Variants in SEC22A observed in about 807,000 individuals in gnomAD.
SEC22A encodes SEC22 homolog A, vesicle trafficking protein.
SEC22A carries 22 observed loss-of-function variants against 35.3 expected under a neutral mutation model. The observed-to-expected ratio is 0.62, with a 90% CI of 0.45 to 0.89. The LOEUF (loss-of-function observed/expected upper bound fraction) is 0.89. Ranked by LOEUF, SEC22A falls within the 40% of genes least tolerant of loss-of-function variation. The pLI is 0.00. For synonymous variants in SEC22A, 119 were observed against 129.5 expected (o/e 0.92, Z 0.55); for missense variants, 354 against 362.5 (o/e 0.98, Z 0.19).
At chr3:123,229,867 A>AT (rs1937284864) in intron 4 of SEC22A, among the ~76,000 whole-genome samples, 11 of 145,800 alleles carry the variant, frequency 7.5e-5, no homozygotes, top group Non-Finnish European at 1.5e-4. Flanking sequence ...ATCTCAAAAA[A>AT]AAAAAATAAA....
At chr3:123,231,240 C>G (rs7629272) in intron 4 of SEC22A, among the ~76,000 whole-genome samples, 1 of 152,178 alleles carries the variant, frequency 6.6e-6, no homozygotes, top group African/African-American at 2.4e-5. Context: ...AACTTTCAAT[C>G]ATGGATAGAA....
At chr3:123,202,678 A>G (rs1675262626) in intron 1 of SEC22A, among the ~76,000 whole-genome samples, 1 of 152,036 alleles carries the variant, frequency 6.6e-6, no homozygotes, top group South Asian at 2.1e-4. Flanking sequence ...AGCTTAAGAT[A>G]ATTTTTCCCT....
chr3:123,264,625 A>ATTTTTTTT (rs369549384), intron 6 of SEC22A, among the ~76,000 whole-genome samples: 1 of 133,274 alleles, frequency 7.5e-6, no homozygotes, highest in Non-Finnish European at 1.6e-5. Context: ...ACATCTTTTG[A>ATTTTTTTT]TTTTTTTTTT....
At chr3:123,259,621 AC>A in intron 6 of SEC22A, 32 bp downstream of exon 6, 1 of 1,457,248 alleles carries the variant, frequency 6.9e-7, no homozygotes, top group Non-Finnish European at 9.6e-7. Context: ...AGAAACACTT[AC>A]CATTATTGTT....
At chr3:123,227,235 A>G (rs1334002308) in intron 4 of SEC22A, among the ~76,000 whole-genome samples, 3 of 149,618 alleles carry the variant, frequency 2.0e-5, no homozygotes, top group African/African-American at 4.9e-5. Context: ...AAAAAAAAAA[A>G]CTTCCTTATA....
chr3:123,237,733 T>G (rs1175880821), intron 4 of SEC22A, among the ~76,000 whole-genome samples: 2 of 152,174 alleles, frequency 1.3e-5, no homozygotes, highest in Non-Finnish European at 2.9e-5. Flanking sequence ...TAGACTCTGT[T>G]AGAAACTCCA....
chr3:123,241,877 A>G (rs1195766570), intron 4 of SEC22A, among the ~76,000 whole-genome samples: 1 of 152,170 alleles, frequency 6.6e-6, no homozygotes, highest in East Asian at 1.9e-4. Context: ...AAAATAAGCC[A>G]GGCACAGAAA....
chr3:123,273,147 T>G lies in SEC22A; in HGVS notation c.*1425T>G, dbSNP rs1218253874. 1 of 152,334 alleles carries G rather than the reference T, an allele frequency of 6.6e-6. No individual in the cohort carries two copies. The highest frequency in any genetic ancestry group is 6.5e-5 in the Admixed American group (1 of 15,280). The allele number at this position is 152,334 out of a possible 1,614,324, so 9.4% of individuals were successfully genotyped here. On this transcript the variant is annotated 3_prime_UTR_variant, in exon 7 of 7. Coordinates refer to ENST00000492595, the MANE Select transcript of SEC22A (RefSeq NM_012430.5). ...ATATCATCCAGAAAAACAGATCCCA[T>G]TACATTGTAATTGTTGTTACTAGGC...
At chr3:123,240,750 G>C (rs1336231455) in intron 4 of SEC22A, among the ~76,000 whole-genome samples, 1 of 151,898 alleles carries the variant, frequency 6.6e-6, no homozygotes, top group East Asian at 1.9e-4. Context: ...TGAGCATTTT[G>C]ATTACTCAAC....
intron 6 of SEC22A, among the ~76,000 whole-genome samples, chr3:123,261,564 A>T (rs1055501002): frequency 6.9e-5 from 10 of 145,538 alleles, no homozygotes; most frequent in Non-Finnish European, 1.2e-4. Flanking sequence ...TTTGATTTTT[A>T]TCTAAAACTG....
chr3:123,256,830 G>C (rs146371268), intron 5 of SEC22A, among the ~76,000 whole-genome samples: 1,816 of 147,186 alleles, frequency 0.012, 39 homozygotes, highest in African/African-American at 0.045. Flanking sequence ...CGCAGTCTCG[G>C]CTCACTGCAA....
chr3:123,218,547 G>A (rs1937071168), intron 2 of SEC22A, among the ~76,000 whole-genome samples: 1 of 152,122 alleles, frequency 6.6e-6, no homozygotes, highest in African/African-American at 2.4e-5. Context: ...CATTCTCGGG[G>A]TACTCACTGT....
Position 123,272,048 on chromosome 3 carries a change from T to G in SEC22A, c.*326T>G. ...AGAGTTCAGAAAATAGATGTGGTATTGCTCTGAGGACCAGGCAGGAGGAAC... is the reference window on the plus strand; with the variant it reads ...AGAGTTCAGAAAATAGATGTGGTATGGCTCTGAGGACCAGGCAGGAGGAAC... On this transcript the variant is annotated 3_prime_UTR_variant, in exon 7 of 7. Transcript: ENST00000492595. 2 of 288,292 alleles carry G rather than the reference T, an allele frequency of 6.9e-6. No individual in the cohort carries two copies. Among genetic ancestry groups the G allele is most frequent in the Non-Finnish European group, 1.3e-5 (2 of 153,372 alleles). 17.9% of individuals were successfully genotyped at this position (288,292 alleles called of 1,614,324 possible). A position where few individuals can be genotyped will look rare whatever the true frequency, so the allele number is the denominator to read the frequency against.
intron 1 of SEC22A, among the ~76,000 whole-genome samples, chr3:123,203,523 C>T (rs1051852493): frequency 6.6e-6 from 1 of 152,062 alleles, no homozygotes; most frequent in Admixed American, 6.5e-5. Context: ...CTATTAGTAG[C>T]CACAATATAT....
intron 4 of SEC22A, among the ~76,000 whole-genome samples, chr3:123,237,852 A>G (rs933650873): frequency 6.8e-6 from 1 of 146,136 alleles, no homozygotes; most frequent in Non-Finnish European, 1.5e-5. Flanking sequence ...GGTATTTGTT[A>G]TTGTTTTAAG....
chr3:123,243,153 T>C (rs1937539362), intron 4 of SEC22A, among the ~76,000 whole-genome samples: 1 of 150,254 alleles, frequency 6.7e-6, no homozygotes, highest in Non-Finnish European at 1.5e-5. Flanking sequence ...GCTGAGAACA[T>C]GAATTCCAGA....
intron 4 of SEC22A, among the ~76,000 whole-genome samples, chr3:123,237,619 C>T (rs1233231437): frequency 6.6e-6 from 1 of 152,108 alleles, no homozygotes; most frequent in Admixed American, 6.5e-5. Flanking sequence ...TTCCATGGGT[C>T]TGGCAGTCAA....
Position 123,246,046 on chromosome 3 carries a change from T to G in SEC22A, c.657+32T>G, listed in dbSNP as rs764430484. ...TGCTATTTTTGCAATTTCAGGTGAC[T>G]GTGCCTCTTCATTCTACTGGTTACA... On this transcript the variant is annotated intron_variant, in intron 5 of 6. Coordinates refer to ENST00000492595, the MANE Select transcript of SEC22A (RefSeq NM_012430.5). 7 of 1,101,684 alleles carry G rather than the reference T, an allele frequency of 6.4e-6. No homozygotes were observed. The South Asian group carries it at 8.9e-5, about 14-fold the overall frequency. 68.2% of individuals were successfully genotyped at this position (1,101,684 alleles called of 1,614,324 possible).
intron 5 of SEC22A, 36 bp downstream of exon 5, chr3:123,246,050 C>A: frequency 2.0e-6 from 2 of 1,013,348 alleles, no homozygotes; most frequent in Non-Finnish European, 3.1e-6. Context: ...GGTGACTGTG[C>A]CTCTTCATTC....
Sources: allele counts gnomAD v4.1 joint callset (sites outside exome capture counted in the v4.1 genomes callset), GRCh38; gene constraint gnomAD v4.1.1; transcripts MANE v1.5; gene names NCBI Gene and HGNC (gene_info 2026-07-23, HGNC 2026-07-21).